CDH12: variants seen among roughly 807,000 people sequenced by gnomAD.
CDH12 encodes the protein cadherin 12.
CDH12 carries 41 observed loss-of-function variants against 74.1 expected under a neutral mutation model. The ratio of observed to expected loss-of-function variants is 0.55; its 90% CI spans 0.43 to 0.72. The LOEUF is 0.72. CDH12 is among the 30% of genes least tolerant of loss of function. The pLI is 0.00. For synonymous variants in CDH12, 399 were observed against 355.0 expected, an observed-to-expected ratio of 1.12 and a Z score of -1.39; for missense variants, 945 against 977.2, an observed-to-expected ratio of 0.97 and a Z score of 0.44.
intron 5 of CDH12, among the ~76,000 whole-genome samples, chr5:21,995,035 CGGTGAGGGTCTGCCG>C: frequency 6.6e-6 from 1 of 152,110 alleles, no homozygotes. Flanking sequence ...GTAACACTCA[CGGTGAGGGTCTGCCG>C]CTTCACACCT....
At chr5:22,558,213 G>T (rs1161916796) in intron 1 of CDH12, among the ~76,000 whole-genome samples, 2 of 151,974 alleles carry the variant, frequency 1.3e-5, no homozygotes, top group Non-Finnish European at 2.9e-5. Flanking sequence ...ACAGGCTCTT[G>T]TATCAGAGGT....
At chr5:21,850,914 A>G (rs1036246645) in intron 7 of CDH12, among the ~76,000 whole-genome samples, 6 of 151,458 alleles carry the variant, frequency 4.0e-5, no homozygotes, top group African/African-American at 1.5e-4. Context: ...TTCACAATGC[A>G]TGTAAATTAA....
At chr5:21,756,242 T>C (rs1315202085) in intron 13 of CDH12, among the ~76,000 whole-genome samples, 2 of 152,146 alleles carry the variant, frequency 1.3e-5, no homozygotes, top group Non-Finnish European at 2.9e-5. Context: ...CTTTAAACTA[T>C]ATTAAAACCA....
chr5:21,902,693 G>T (rs181560183), intron 6 of CDH12, among the ~76,000 whole-genome samples: 10 of 152,022 alleles, frequency 6.6e-5, no homozygotes, highest in Non-Finnish European at 1.2e-4. Flanking sequence ...ACCACATGTG[G>T]CTATTTATCA....
At chr5:21,762,318 T>C (rs1342103381) in intron 12 of CDH12, among the ~76,000 whole-genome samples, 1 of 152,114 alleles carries the variant, frequency 6.6e-6, no homozygotes, top group Non-Finnish European at 1.5e-5. Context: ...CATCTAAATT[T>C]GTACTGATTT....
intron 6 of CDH12, among the ~76,000 whole-genome samples, chr5:21,886,913 G>A (rs943797444): frequency 3.9e-5 from 6 of 152,084 alleles, no homozygotes; most frequent in African/African-American, 1.4e-4. Context: ...CAATGAAGCA[G>A]TTGGCTATGA....
chr5:22,590,797 G>C (rs1209349569), intron 1 of CDH12, among the ~76,000 whole-genome samples: 1 of 152,086 alleles, frequency 6.6e-6, no homozygotes, highest in Non-Finnish European at 1.5e-5. Flanking sequence ...CTATTTGCAG[G>C]TCTGTTCTAT....
intron 3 of CDH12, among the ~76,000 whole-genome samples, chr5:22,355,832 C>T (rs1462555416): frequency 6.6e-6 from 1 of 152,060 alleles, no homozygotes; most frequent in African/African-American, 2.4e-5. Context: ...CACACATGCA[C>T]AAATGTGTAG....
At chr5:22,190,703 A>C (rs2150345728) in intron 4 of CDH12, among the ~76,000 whole-genome samples, 1 of 152,254 alleles carries the variant, frequency 6.6e-6, no homozygotes. Flanking sequence ...GTGTGGTGCG[A>C]AAAGACATCT....
At chr5:21,921,235 A>T (rs1316835385) in intron 6 of CDH12, among the ~76,000 whole-genome samples, 2 of 152,168 alleles carry the variant, frequency 1.3e-5, no homozygotes, top group African/African-American at 4.8e-5. Context: ...GAGTGGCATG[A>T]TCCTAAATTT....
At chr5:21,760,787 G>T in intron 12 of CDH12, 112 bp from the exon 13 acceptor site, 1 of 717,036 alleles carries the variant, frequency 1.4e-6, no homozygotes, top group South Asian at 1.6e-5. Flanking sequence ...GGCACTTTTT[G>T]AATCAATACC....
At chr5:22,480,244 T>G (rs1746332628) in intron 2 of CDH12, among the ~76,000 whole-genome samples, 1 of 152,122 alleles carries the variant, frequency 6.6e-6, no homozygotes, top group Admixed American at 6.6e-5. Flanking sequence ...TTTTGACTTT[T>G]TTTTTCTTTT....
At chr5:22,538,076 C>A (rs1339611366) in intron 1 of CDH12, among the ~76,000 whole-genome samples, 1 of 152,164 alleles carries the variant, frequency 6.6e-6, no homozygotes, top group East Asian at 1.9e-4. Flanking sequence ...CCATCAGCAG[C>A]ACATTCTACC....
chr5:22,069,476 T>A (rs1485086243), intron 5 of CDH12, among the ~76,000 whole-genome samples: 1 of 152,092 alleles, frequency 6.6e-6, no homozygotes, highest in Admixed American at 6.6e-5. Context: ...TAGAAATGAG[T>A]GTGATACCAC....
intron 4 of CDH12, among the ~76,000 whole-genome samples, chr5:22,134,292 T>C (rs1343851416): frequency 2.6e-5 from 4 of 152,106 alleles, no homozygotes; most frequent in African/African-American, 7.2e-5. Flanking sequence ...GCTTGAGCTA[T>C]GGGCTATTAG....
intron 8 of CDH12, among the ~76,000 whole-genome samples, chr5:21,833,724 A>G (rs947634912): frequency 1.5e-5 from 2 of 132,762 alleles, no homozygotes; most frequent in Admixed American, 8.7e-5. Flanking sequence ...TCTGTAGACT[A>G]CCTGTATCAG....
chr5:22,793,512 T>C (rs1748025542), intron 1 of CDH12, among the ~76,000 whole-genome samples: 1 of 152,208 alleles, frequency 6.6e-6, no homozygotes, highest in Non-Finnish European at 1.5e-5. Context: ...GTATACTGTC[T>C]CTTACGTGGT....
At chr5:22,799,056 GA>G (rs1302541220) in intron 1 of CDH12, among the ~76,000 whole-genome samples, 1 of 152,140 alleles carries the variant, frequency 6.6e-6, no homozygotes, top group African/African-American at 2.4e-5. Context: ...GAAAGAGGTT[GA>G]AATGAGCAGA....
At chr5:21,847,664 C>A (rs534138591) in intron 7 of CDH12, among the ~76,000 whole-genome samples, 1 of 152,132 alleles carries the variant, frequency 6.6e-6, no homozygotes, top group Non-Finnish European at 1.5e-5. Flanking sequence ...ATAATCACCT[C>A]ATCTCCACTA....
Sources: allele counts gnomAD v4.1 joint callset (sites outside exome capture counted in the v4.1 genomes callset), GRCh38; gene constraint gnomAD v4.1.1; transcripts MANE v1.5; gene names NCBI Gene and HGNC (gene_info 2026-07-23, HGNC 2026-07-21).